FGF12: variants seen among roughly 807,000 people sequenced by gnomAD.
FGF12 encodes fibroblast growth factor 12.
In FGF12, 14 loss-of-function variants were observed where a neutral mutation model predicts 23.6. That is an observed-to-expected ratio of 0.59 (90% CI 0.39 to 0.93). FGF12 has a LOEUF of 0.93. FGF12 is among the 40% of genes least tolerant of loss of function. FGF12 has a pLI of 0.00. For synonymous variants in FGF12, 62 were observed against 77.3 expected (o/e 0.80, Z 1.04); for missense variants, 175 against 217.8 (o/e 0.80, Z 1.24).
intron 4 of FGF12, among the ~76,000 whole-genome samples, chr3:192,289,090 G>A (rs1299563998): frequency 6.6e-6 from 1 of 152,114 alleles, no homozygotes; most frequent in Non-Finnish European, 1.5e-5. Flanking sequence ...TGATAATCAT[G>A]CAGGAACCTG....
chr3:192,242,774 T>C (rs1265602716), intron 4 of FGF12, among the ~76,000 whole-genome samples: 6 of 152,066 alleles, frequency 3.9e-5, no homozygotes, highest in African/African-American at 1.2e-4. Flanking sequence ...CACTTGGCCA[T>C]ATAATTTAGT....
In FGF12 at chr3:192,514,251, G is replaced by A. The variant is rs1235556445; in HGVS notation, c.14-153713C>T. Among the ~76,000 whole-genome samples the A allele has an allele frequency of 3.3e-5, 5 of 152,198 alleles. No homozygotes were observed. The highest frequency in any genetic ancestry group is 2.0e-4 in the Admixed American group (3 of 15,282). Reference sequence around the variant, plus strand: ...AAAAGAAAATATACCTGCCTTGCCAGCCATCTGTTTAAAAGTCCCCTCTCC... The same window carrying A: ...AAAAGAAAATATACCTGCCTTGCCAACCATCTGTTTAAAAGTCCCCTCTCC... On this transcript the variant is annotated intron_variant, in intron 2 of 5. Coordinates refer to ENST00000445105, the MANE Select transcript of FGF12 (RefSeq NM_004113.6). This position sits in a 1 kb window ranked among gnomAD's most constrained non-coding sequence, Gnocchi z 4.9.
chr3:192,461,847 A>G (rs113043439), intron 2 of FGF12, among the ~76,000 whole-genome samples: 12,725 of 151,996 alleles, frequency 0.084, 1,692 homozygotes, highest in African/African-American at 0.28. Flanking sequence ...AAAATTAGCC[A>G]GGCATGGTGG....
chr3:192,302,879 G>A (rs1715423793), intron 4 of FGF12, among the ~76,000 whole-genome samples: 1 of 152,142 alleles, frequency 6.6e-6, no homozygotes, highest in Admixed American at 6.6e-5. Context: ...AGGCAAGAAG[G>A]GAAAGAATGA....
chr3:192,215,107 T>C (rs1718125270), intron 4 of FGF12, among the ~76,000 whole-genome samples: 1 of 152,216 alleles, frequency 6.6e-6, no homozygotes, highest in African/African-American at 2.4e-5. Flanking sequence ...CCGAACTCTC[T>C]ACAGGAGTGA....
intron 4 of FGF12, among the ~76,000 whole-genome samples, chr3:192,250,776 C>A (rs1032708312): frequency 1.3e-5 from 2 of 151,824 alleles, no homozygotes; most frequent in Non-Finnish European, 2.9e-5. Flanking sequence ...GCAAATAAAT[C>A]TATTTTGAAG....
intron 2 of FGF12, among the ~76,000 whole-genome samples, chr3:192,571,079 T>TG (rs139057033): frequency 2.0e-4 from 29 of 143,542 alleles, no homozygotes; most frequent in South Asian, 6.5e-4. Context: ...ACATTGGTGT[T>TG]GGGGGGAAAA....
In FGF12 at chr3:192,371,582, A is replaced by T. The variant is rs1321914104; in HGVS notation, c.14-11044T>A. Among the ~76,000 whole-genome samples, 6 of 152,262 alleles carry T rather than the reference A, an allele frequency of 3.9e-5. No homozygotes were observed. In the East Asian group the frequency reaches 1.2e-3, roughly 29 times the overall value. On this transcript the variant is annotated intron_variant, in intron 2 of 5. Transcript: ENST00000445105. Reference sequence around the variant, plus strand: ...ACTTTCAGACAGAATTAATGTAGATAGGAAAATCCACGGTTAGTTAAACAG... The same window carrying T: ...ACTTTCAGACAGAATTAATGTAGATTGGAAAATCCACGGTTAGTTAAACAG...
chr3:192,611,186 T>A (rs1714537905), intron 2 of FGF12, among the ~76,000 whole-genome samples: 1 of 152,034 alleles, frequency 6.6e-6, no homozygotes, highest in African/African-American at 2.4e-5. Context: ...ATGCCATACG[T>A]GGAAGCTACA....
Position 192,509,016 on chromosome 3 carries a change from GTCTC to G in FGF12, c.14-148482_14-148479del, listed in dbSNP as rs563977255. On this transcript the variant is annotated intron_variant, in intron 2 of 5. Transcript: ENST00000445105. ...TTATAGGTATAGAGTTCCCTGCTGA[GTCTC>G]TATTGCCTGAAACAGAACCTAGATA... is the stretch of plus-strand genomic sequence containing the variant. 2.0e-5 allele frequency among the ~76,000 whole-genome samples: 3 copies of G among 151,864 alleles called. No homozygotes were observed. In the East Asian group the frequency reaches 5.8e-4, roughly 29 times the overall value.
rs1296958690 is a variant in FGF12, at chr3:192,622,431, C to G, written c.13+104750G>C. Among the ~76,000 whole-genome samples, 5 of 152,152 alleles carry G rather than the reference C, an allele frequency of 3.3e-5. No homozygotes were observed. The East Asian group carries it at 9.7e-4, about 29-fold the overall frequency. The stretch of plus-strand genomic sequence containing the variant: ...CAATCCTCACAGTACCCTAAGACAC[C>G]CAAGACATACAACATTCTCTCATGG... On this transcript the variant is annotated intron_variant, in intron 2 of 5. Coordinates refer to ENST00000445105, the MANE Select transcript of FGF12 (RefSeq NM_004113.6).
Position 192,570,006 on chromosome 3 carries a change from G to T in FGF12, c.13+157175C>A, listed in dbSNP as rs570525397. Among the ~76,000 whole-genome samples the T allele has an allele frequency of 9.8e-4, 149 of 152,338 alleles. 1 individual carries two copies. In the South Asian group the frequency reaches 0.022, roughly 22 times the overall value. On this transcript the variant is annotated intron_variant, in intron 2 of 5. Coordinates refer to ENST00000445105, the MANE Select transcript of FGF12 (RefSeq NM_004113.6). ...CTGAGCCAGTGCCGTAAAAGTGCCA[G>T]TGATGACTGCAAGGAGGCAGAAGTT...
At chr3:192,173,618 T>C (rs1715694680) in intron 4 of FGF12, among the ~76,000 whole-genome samples, 1 of 151,956 alleles carries the variant, frequency 6.6e-6, no homozygotes, top group South Asian at 2.1e-4. Context: ...ATTAAAATAA[T>C]CCCAAAGCTT....
At chr3:192,466,212 C>A (rs1019486097) in intron 2 of FGF12, among the ~76,000 whole-genome samples, 1 of 152,080 alleles carries the variant, frequency 6.6e-6, no homozygotes, top group African/African-American at 2.4e-5. Flanking sequence ...AGAAAACATA[C>A]GGTAAAAATA....
At chr3:192,556,425 A>G (rs1711778799) in intron 2 of FGF12, among the ~76,000 whole-genome samples, 2 of 152,204 alleles carry the variant, frequency 1.3e-5, no homozygotes, top group African/African-American at 4.8e-5. Flanking sequence ...AGAGACAAAG[A>G]AGGACATTAT....
intron 2 of FGF12, among the ~76,000 whole-genome samples, chr3:192,420,779 T>C (rs1420424261): frequency 2.0e-5 from 3 of 152,152 alleles, no homozygotes; most frequent in African/African-American, 7.2e-5. Context: ...ACCTCAGGTA[T>C]TTGTTTTTAG....
chr3:192,258,894 G>A (rs981604641), intron 4 of FGF12, among the ~76,000 whole-genome samples: 4 of 152,114 alleles, frequency 2.6e-5, no homozygotes, highest in African/African-American at 4.8e-5. Context: ...CGTCACTAAC[G>A]AATCAGATTT....
At chr3:192,431,446 T>C (rs981741915) in intron 2 of FGF12, among the ~76,000 whole-genome samples, 3 of 152,184 alleles carry the variant, frequency 2.0e-5, no homozygotes, top group Non-Finnish European at 4.4e-5. Context: ...AAAAAGCATA[T>C]AGCACTTTAT....
intron 2 of FGF12, among the ~76,000 whole-genome samples, chr3:192,628,201 G>A (rs1577086743): frequency 6.6e-6 from 1 of 151,908 alleles, no homozygotes; most frequent in East Asian, 1.9e-4. Flanking sequence ...TTATTGTTGA[G>A]TAGTATTTCA....
Sources: gnomAD v4.1 joint callset for allele counts (sites outside exome capture counted in the v4.1 genomes callset) on GRCh38, gnomAD v4.1.1 for gene constraint, Gnocchi (gnomAD v3.1) non-coding constraint, MANE v1.5 for transcripts, NCBI Gene and HGNC (gene_info 2026-07-23, HGNC 2026-07-21) for gene names.